The following ROS1 variants were observed in gnomAD, a reference collection of about 807,000 sequenced individuals.
ROS1 encodes proto-oncogene tyrosine-protein kinase ROS.
A neutral mutation model predicts 273.5 loss-of-function variants in ROS1; 263 were observed. The observed-to-expected ratio is 0.96, with a 90% CI of 0.87 to 1.06. ROS1 has a LOEUF of 1.06. Ranked by LOEUF, ROS1 falls within the 50% of genes least tolerant of loss-of-function variation. The probability of loss-of-function intolerance (pLI) is 0.00; values close to 1 mark genes in which losing one functional copy is unlikely to be tolerated. For missense variants in ROS1, 2,833 were observed against 2,751.1 expected (o/e 1.03, Z -0.67); for synonymous variants, 1,008 against 954.1 (o/e 1.06, Z -1.04).
At chr6:117,373,181 A>G (rs1282778844) in intron 18 of ROS1, among the ~76,000 whole-genome samples, 2 of 152,184 alleles carry the variant, frequency 1.3e-5, no homozygotes, top group African/African-American at 2.4e-5. Context: ...GCTAGACATA[A>G]AAGTTCTCCA....
intron 2 of ROS1, among the ~76,000 whole-genome samples, chr6:117,417,359 C>T (rs13202720): frequency 0.054 from 8,204 of 152,170 alleles, 265 homozygotes; most frequent in Middle Eastern, 0.086. Context: ...AAACCCATCA[C>T]GAAGCCCTAT....
chr6:117,340,109 A>G (rs1166311362), intron 31 of ROS1, among the ~76,000 whole-genome samples: 2 of 152,174 alleles, frequency 1.3e-5, no homozygotes, highest in African/African-American at 2.4e-5. Context: ...GTTATTTTAA[A>G]AGGCACTCCT....
intron 27 of ROS1, among the ~76,000 whole-genome samples, chr6:117,346,333 T>C (rs1018824274): frequency 6.6e-6 from 1 of 152,040 alleles, no homozygotes; most frequent in African/African-American, 2.4e-5. Context: ...TGTAATTGCT[T>C]AAAATTTCCA....
intron 13 of ROS1, among the ~76,000 whole-genome samples, chr6:117,388,411 A>AT (rs1749465993): frequency 1.3e-5 from 2 of 152,150 alleles, no homozygotes; most frequent in African/African-American, 4.8e-5. Flanking sequence ...TTACCTATTC[A>AT]TTTTCAGCCA....
At position 117,404,180 on chromosome 6, in the gene ROS1, C is replaced by T. The variant is rs536547358; in HGVS notation, c.465+100G>A. Reference sequence around the variant, plus strand: ...AGCTTGCAGTAAGCTGAGATCGCGCCACTGCACTCCAGCCTGGGCGACAGA... The same window carrying T: ...AGCTTGCAGTAAGCTGAGATCGCGCTACTGCACTCCAGCCTGGGCGACAGA... On this transcript the variant is annotated intron_variant, in intron 6 of 43. Transcript: ENST00000368507. 1.7e-4 allele frequency: 181 copies of T among 1,087,624 alleles called. 2 individuals are homozygous for T. In the South Asian group the frequency reaches 2.5e-3, roughly 15 times the overall value. The allele number at this position is 1,087,624 out of a possible 1,614,324, so 67.4% of individuals were successfully genotyped here. A position where few individuals can be genotyped will look rare whatever the true frequency, so the allele number is the denominator to read the frequency against.
At chr6:117,391,921 A>C (rs547726118) in intron 12 of ROS1, among the ~76,000 whole-genome samples, 87 of 152,350 alleles carry the variant, frequency 5.7e-4, no homozygotes, top group African/African-American at 2.1e-3. Context: ...TTAGAAACAC[A>C]CATTCAGTAT....
At chr6:117,332,918 A>G (rs1372347868) in intron 32 of ROS1, among the ~76,000 whole-genome samples, 5 of 152,172 alleles carry the variant, frequency 3.3e-5, no homozygotes, top group Non-Finnish European at 1.5e-5. Flanking sequence ...TCACCCTAAC[A>G]TCACAATTAA....
At position 117,356,656 on chromosome 6, in the gene ROS1, T is replaced by A. The variant is rs200679820; in HGVS notation, c.4099A>T (p.Arg1367Ter). 3.1e-6 allele frequency: 5 copies of A among 1,614,000 alleles called. 2 individuals are homozygous for A. Among genetic ancestry groups the A allele is most frequent in the Middle Eastern group, 3.3e-4 (2 of 6,060 alleles). ...AGCATAGCAGGTACTGTGATAACTC[T>A]CCAACACTGACAGCCTTCCAGATCC... ...AMDLEGCQCW[R>*]VITVPAMLGK... The change falls in exon 26 of 44, where the codon AGA becomes TGA. Residue 1367 changes from arginine (R) to a stop codon, truncating the protein, a stop_gained. Transcript: ENST00000368507. LOFTEE classifies it high-confidence loss of function.
chr6:117,388,058 T>A, intron 13 of ROS1, 66 bp from the exon 14 acceptor site: 2 of 1,603,774 alleles, frequency 1.2e-6, no homozygotes, highest in Non-Finnish European at 1.7e-6. Flanking sequence ...CCAAGGATTC[T>A]CCATAAATTC....
intron 43 of ROS1, among the ~76,000 whole-genome samples, chr6:117,297,771 G>A (rs866668301): frequency 3.3e-5 from 5 of 152,096 alleles, no homozygotes; most frequent in Non-Finnish European, 7.4e-5. Flanking sequence ...GCTGTTGGTG[G>A]GAATGTAAAT....
chr6:117,362,461 T>C (rs944943615), intron 22 of ROS1, 142 bp downstream of exon 22: 4 of 675,228 alleles, frequency 5.9e-6, no homozygotes, highest in African/African-American at 3.7e-5. Context: ...TTTTCTCACA[T>C]AATTTTAAAA....
intron 35 of ROS1, among the ~76,000 whole-genome samples, chr6:117,322,772 C>T (rs146800136): frequency 6.6e-6 from 1 of 152,158 alleles, no homozygotes; most frequent in Admixed American, 6.6e-5. Context: ...ACTAGTAAAA[C>T]CACATGCACT....
At chr6:117,364,203 G>A (rs903270750) in intron 21 of ROS1, among the ~76,000 whole-genome samples, 9 of 152,180 alleles carry the variant, frequency 5.9e-5, no homozygotes, top group Non-Finnish European at 5.9e-5. Context: ...TTCCTGTTGT[G>A]TAATTCGTAG....
intron 12 of ROS1, among the ~76,000 whole-genome samples, chr6:117,392,108 A>T (rs1773114310): frequency 6.6e-6 from 1 of 152,214 alleles, no homozygotes; most frequent in South Asian, 2.1e-4. Context: ...GTCAACAACA[A>T]AGTTACATTT....
intron 8 of ROS1, 41 bp downstream of exon 8, chr6:117,396,874 C>T (rs1450607371): frequency 1.5e-6 from 2 of 1,371,168 alleles, no homozygotes; most frequent in Admixed American, 3.4e-5. Context: ...ATGCCTGCAG[C>T]CATGCTGGTT....
intron 12 of ROS1, among the ~76,000 whole-genome samples, chr6:117,391,232 A>C (rs1210630512): frequency 6.6e-6 from 1 of 152,256 alleles, no homozygotes; most frequent in East Asian, 1.9e-4. Flanking sequence ...TGTAGCAGGC[A>C]AAAAGCAAAA....
At chr6:117,350,975 C>T (rs1778801915) in intron 27 of ROS1, among the ~76,000 whole-genome samples, 1 of 152,086 alleles carries the variant, frequency 6.6e-6, no homozygotes, top group African/African-American at 2.4e-5. Flanking sequence ...AACATCCCTG[C>T]CATATTTAAA....
chr6:117,362,906 G>A (rs1458088460), intron 21 of ROS1, 41 bp from the exon 22 acceptor site: 1 of 1,464,956 alleles, frequency 6.8e-7, no homozygotes, highest in Non-Finnish European at 9.2e-7. Context: ...AAGAATATAA[G>A]AATATAAAGA....
At chr6:117,323,925 C>T (rs1192423905) in intron 35 of ROS1, among the ~76,000 whole-genome samples, 1 of 152,140 alleles carries the variant, frequency 6.6e-6, no homozygotes, top group Non-Finnish European at 1.5e-5. Context: ...CTATCCCAAT[C>T]AAAGATTGTC....
Sources: allele counts gnomAD v4.1 joint callset (sites outside exome capture counted in the v4.1 genomes callset), GRCh38; gene constraint gnomAD v4.1.1; transcripts MANE v1.5; gene names NCBI Gene and HGNC (gene_info 2026-07-23, HGNC 2026-07-21).